SMARCA2: variants seen among roughly 807,000 people sequenced by gnomAD.
SMARCA2 encodes the protein SWI/SNF-related matrix-associated actin-dependent regulator of chromatin subfamily A member 2.
A neutral mutation model predicts 199.8 loss-of-function variants in SMARCA2; 61 were observed. The ratio of observed to expected loss-of-function variants is 0.31; its 90% CI spans 0.25 to 0.38. SMARCA2 has a LOEUF of 0.38. Among genes scored for constraint, SMARCA2 ranks in the 10% least tolerant of loss-of-function variants. SMARCA2 has a pLI of 1.00. For synonymous variants in SMARCA2, 935 were observed against 732.0 expected, an observed-to-expected ratio of 1.28 and a Z score of -4.48; for missense variants, 1,344 against 2,012.2, an observed-to-expected ratio of 0.67 and a Z score of 6.35.
intron 29 of SMARCA2, among the ~76,000 whole-genome samples, chr9:2,175,722 A>G (rs1204919552): frequency 1.3e-5 from 2 of 152,212 alleles, no homozygotes; most frequent in African/African-American, 2.4e-5. Context: ...TCAATCATAA[A>G]TCTTCATTTT....
intron 27 of SMARCA2, among the ~76,000 whole-genome samples, chr9:2,145,549 T>C (rs1227238686): frequency 6.6e-6 from 1 of 152,014 alleles, no homozygotes; most frequent in Admixed American, 6.6e-5. Flanking sequence ...CACCTGACAG[T>C]AAAGGGGAGG....
intron 22 of SMARCA2, among the ~76,000 whole-genome samples, chr9:2,102,333 G>A (rs370796948): frequency 6.6e-6 from 1 of 152,100 alleles, no homozygotes; most frequent in Non-Finnish European, 1.5e-5. Context: ...GGGTTCTGTG[G>A]TTACTCCTGC....
intron 22 of SMARCA2, among the ~76,000 whole-genome samples, chr9:2,103,659 T>TGAGAGAGAGAGA (rs1172250952): frequency 1.3e-4 from 18 of 143,688 alleles, no homozygotes; most frequent in African/African-American, 4.9e-4. Flanking sequence ...TGTGTGTGTG[T>TGAGAGAGAGAGA]GTGAGAGAGA....
At chr9:2,097,509 A>T in intron 21 of SMARCA2, 38 bp downstream of exon 21, 1 of 1,183,676 alleles carries the variant, frequency 8.4e-7, no homozygotes, top group Non-Finnish European at 1.2e-6. Context: ...TGATTGTGCT[A>T]ATCATACTAA....
intron 31 of SMARCA2, among the ~76,000 whole-genome samples, chr9:2,184,787 C>T (rs573911351): frequency 6.6e-6 from 1 of 152,102 alleles, no homozygotes; most frequent in Non-Finnish European, 1.5e-5. Flanking sequence ...AGGAATTCTT[C>T]TCATCTTTAA....
At chr9:2,134,032 G>A (rs1824083474) in intron 27 of SMARCA2, among the ~76,000 whole-genome samples, 2 of 152,164 alleles carry the variant, frequency 1.3e-5, no homozygotes, top group African/African-American at 4.8e-5. Context: ...AATTAAAGGT[G>A]TGTAACATAG....
At chr9:2,030,509 C>G (rs143845580) in intron 2 of SMARCA2, among the ~76,000 whole-genome samples, 14 of 150,218 alleles carry the variant, frequency 9.3e-5, no homozygotes, top group African/African-American at 3.4e-4. Context: ...CTTAAGCAGT[C>G]AGGCAGAGAG....
At position 2,170,164 on chromosome 9, in the gene SMARCA2, T is replaced by C. The variant is rs1169010957; in HGVS notation, c.4200-255T>C. On this transcript the variant is annotated intron_variant, in intron 28 of 33. Transcript: ENST00000349721. This position sits in a 1 kb window ranked among gnomAD's most constrained non-coding sequence, Gnocchi z 4.7. ...ATGGAACATGTAAGAGGGAACAGGG[T>C]AACAGGAATTTCTGTGTGTGACGGA... 6.6e-6 allele frequency among the ~76,000 whole-genome samples: 1 copy of C among 152,148 alleles called. No homozygotes were observed. The highest frequency in any genetic ancestry group is 6.5e-5 in the Admixed American group (1 of 15,276).
chr9:2,059,517 C>G (rs532241835), intron 8 of SMARCA2, among the ~76,000 whole-genome samples: 242 of 152,272 alleles, frequency 1.6e-3, no homozygotes, highest in African/African-American at 5.4e-3. Context: ...TTGTCTGACT[C>G]AACTGAAGTG....
intron 1 of SMARCA2, among the ~76,000 whole-genome samples, chr9:2,024,236 C>A (rs1818726893): frequency 6.6e-6 from 1 of 152,114 alleles, no homozygotes; most frequent in Non-Finnish European, 1.5e-5. Flanking sequence ...TGAAATGCTA[C>A]CTTCTCCATT....
intron 2 of SMARCA2, among the ~76,000 whole-genome samples, chr9:2,031,087 TG>T (rs933964497): frequency 4.0e-5 from 6 of 151,458 alleles, no homozygotes; most frequent in African/African-American, 1.5e-4. Context: ...TATATATTGG[TG>T]TTTTTTTTTG....
intron 22 of SMARCA2, 92 bp from the exon 23 acceptor site, chr9:2,103,911 C>A: frequency 9.6e-7 from 1 of 1,040,998 alleles, no homozygotes; most frequent in Non-Finnish European, 1.5e-6. Flanking sequence ...TTACAGTGTA[C>A]AAAGGACTAT....
In SMARCA2 at chr9:2,076,224, T is replaced by A; in HGVS notation, c.1936-5T>A. On this transcript the variant is annotated splice_polypyrimidine_tract_variant and splice_region_variant and intron_variant, in intron 12 of 33. Coordinates refer to ENST00000349721, the MANE Select transcript of SMARCA2 (RefSeq NM_003070.5). ...ATTTCCTCCCTATCTTTGTTCCTTT[T>A]CCAGGATGAGGAAGAAGAGTCCAGT... 6.5e-7 allele frequency: 1 copy of A among 1,535,550 alleles called. No homozygotes were observed. The highest frequency in any genetic ancestry group is 9.0e-7 in the Non-Finnish European group (1 of 1,110,188).
Position 2,029,061 on chromosome 9 carries a change from A to T in SMARCA2, c.39A>T (p.Pro13=), listed in dbSNP as rs1563716357. 6.4e-7 allele frequency: 1 copy of T among 1,559,098 alleles called. No homozygotes were observed. Among genetic ancestry groups the T allele is most frequent in the East Asian group, 2.4e-5 (1 of 41,468 alleles). The change falls in exon 2 of 34, where the codon CCA becomes CCT. Residue 13 remains proline (P), a synonymous_variant. Coordinates refer to ENST00000349721, the MANE Select transcript of SMARCA2 (RefSeq NM_003070.5). ...CAGACCCTGGTGCGATGCCCCACCC[A>T]GGGCCTTCGCCGGGGCCTGGGCCTT... is the stretch of plus-strand genomic sequence containing the variant. The part of the protein sequence containing the change: ...TPTDPGAMPH[P]GPSPGPGPSP...
chr9:2,081,834 C>G lies in SMARCA2; in HGVS notation c.2187C>G (p.Leu729=). ...GAAGCAATTACTCTTCATTTCAGCT[C>G]CAGGGCCTGGAATGGATGGTTTCCC... is the stretch of plus-strand genomic sequence containing the variant. ...LINGTLKHYQ[L]QGLEWMVSLY... The change falls in exon 15 of 34, where the codon CTC becomes CTG. Residue 729 remains leucine, a splice_region_variant and synonymous_variant. Coordinates refer to ENST00000349721, the MANE Select transcript of SMARCA2 (RefSeq NM_003070.5). 3.7e-6 allele frequency: 6 copies of G among 1,613,768 alleles called. No homozygotes were observed. The highest frequency in any genetic ancestry group is 2.2e-5 in the South Asian group (2 of 91,052).
chr9:2,076,728 C>T (rs1483718010), intron 13 of SMARCA2, among the ~76,000 whole-genome samples: 1 of 152,032 alleles, frequency 6.6e-6, no homozygotes, highest in Non-Finnish European at 1.5e-5. Flanking sequence ...AGCAGTCTCC[C>T]TGAAACCCAA....
chr9:2,055,204 A>G (rs1392642438), intron 6 of SMARCA2, among the ~76,000 whole-genome samples: 1 of 152,246 alleles, frequency 6.6e-6, no homozygotes, highest in African/African-American at 2.4e-5. Flanking sequence ...GCAATGTCTT[A>G]TAGCTTATTT....
rs910618019 is a variant in SMARCA2, at chr9:2,056,582, C to G, written c.1174-90C>G. On this transcript the variant is annotated intron_variant, in intron 6 of 33. Transcript: ENST00000349721. This position sits in a 1 kb window ranked among gnomAD's most constrained non-coding sequence, Gnocchi z 4.0. ...GCTTGTGGAGATTCCCCGCCCCACT[C>G]TATTCCATTAAATGCAACCGCGAGA... 7 of 1,187,546 alleles carry G rather than the reference C, an allele frequency of 5.9e-6. No homozygotes were observed. The highest frequency in any genetic ancestry group is 8.2e-6 in the Non-Finnish European group (7 of 853,012). The allele number at this position is 1,187,546 out of a possible 1,614,324, so 73.6% of individuals were successfully genotyped here. A position where few individuals can be genotyped will look rare whatever the true frequency, so the allele number is the denominator to read the frequency against.
intron 18 of SMARCA2, 190 bp downstream of exon 18, chr9:2,087,261 A>G (rs929916912): frequency 9.3e-6 from 6 of 646,434 alleles, no homozygotes; most frequent in Non-Finnish European, 1.6e-5. Flanking sequence ...AAATGGATCT[A>G]GTGGTACATG....
Sources: gnomAD v4.1 joint callset for allele counts (sites outside exome capture counted in the v4.1 genomes callset) on GRCh38, gnomAD v4.1.1 for gene constraint, Gnocchi (gnomAD v3.1) non-coding constraint, MANE v1.5 for transcripts, NCBI Gene and HGNC (gene_info 2026-07-23, HGNC 2026-07-21) for gene names.